Variants in GRM2 observed in about 807,000 individuals in gnomAD.
GRM2 encodes metabotropic glutamate receptor 2.
A neutral mutation model predicts 60.4 loss-of-function variants in GRM2; 35 were observed. The ratio of observed to expected loss-of-function variants is 0.58; its 90% CI spans 0.44 to 0.77. The LOEUF (loss-of-function observed/expected upper bound fraction) is 0.77, where lower values mean the gene tolerates loss of function less well. Ranked by LOEUF, GRM2 falls within the 30% of genes least tolerant of loss-of-function variation. GRM2 has a pLI of 0.00. For missense variants in GRM2, 925 were observed against 1,199.5 expected (o/e 0.77, Z 3.38); for synonymous variants, 437 against 484.1 (o/e 0.90, Z 1.28).
In GRM2 at chr3:51,713,628, C is replaced by T. The variant is rs990264288; in HGVS notation, c.1288+318C>T. 2.1e-5 allele frequency: 8 copies of T among 377,760 alleles called. No individual in the cohort carries two copies. The highest frequency in any genetic ancestry group is 3.8e-5 in the Non-Finnish European group (8 of 208,386). The allele number at this position is 377,760 out of a possible 1,614,324, so 23.4% of individuals were successfully genotyped here. ...AAGGTGGAGACCAGGAGACCTCAAG[C>T]CCATTCTCAGGCAGCACCAAGAGTT... On this transcript the variant is annotated intron_variant, in intron 3 of 5. Transcript: ENST00000395052. This position sits in a 1 kb window ranked among gnomAD's most constrained non-coding sequence, Gnocchi z 4.8.
intron 2 of GRM2, among the ~76,000 whole-genome samples, chr3:51,710,867 A>G (rs558289951): frequency 6.6e-6 from 1 of 152,306 alleles, no homozygotes; most frequent in African/African-American, 2.4e-5. Flanking sequence ...TCTCACCCAG[A>G]TTCCCGCTTG....
At chr3:51,714,808 G>C in intron 3 of GRM2, 1 of 398,338 alleles carries the variant, frequency 2.5e-6, no homozygotes, top group Non-Finnish European at 4.4e-6. Context: ...GAGATGTCTG[G>C]GCTTTAAGGC....
chr3:51,712,776 G>A lies in GRM2; in HGVS notation c.754G>A (p.Gly252Ser). 1.9e-6 allele frequency: 3 copies of A among 1,613,192 alleles called. No homozygotes were observed. The highest frequency in any genetic ancestry group is 2.5e-6 in the Non-Finnish European group (3 of 1,180,042). Reference protein sequence around the residue: ...GRAMSRAAFEGVVRALLQKPS... With the variant: ...GRAMSRAAFESVVRALLQKPS... ...TGCCATGAGCCGCGCGGCCTTTGAG[G>A]GTGTGGTGCGAGCCCTGCTGCAGAA... is the stretch of plus-strand genomic sequence containing the variant. Residue 252 changes from glycine to serine, a missense_variant, in exon 3 of 6, where the codon GGT (glycine) becomes AGT (serine). By Grantham distance (56) the Gly-to-Ser change is moderately conservative. Coordinates refer to ENST00000395052, the MANE Select transcript of GRM2 (RefSeq NM_000839.5). The surrounding 1 kb of genome is among the most constrained non-coding windows in gnomAD (Gnocchi z 5.3).
chr3:51,717,870 C>G lies in GRM2; in HGVS notation c.2545+53C>G. ...CTGTTCCCCTCTCCCTGTCCAGCTCCTTGGGTTGCTGAGATCTCTTGTCTG... is the reference window on the plus strand; with the variant it reads ...CTGTTCCCCTCTCCCTGTCCAGCTCGTTGGGTTGCTGAGATCTCTTGTCTG... On this transcript the variant is annotated intron_variant, in intron 5 of 5. Coordinates refer to ENST00000395052, the MANE Select transcript of GRM2 (RefSeq NM_000839.5). This position sits in a 1 kb window ranked among gnomAD's most constrained non-coding sequence, Gnocchi z 6.0. The G allele has an allele frequency of 6.4e-7, 1 of 1,559,552 alleles. No individual in the cohort carries two copies. Among genetic ancestry groups the G allele is most frequent in the African/African-American group, 1.4e-5 (1 of 73,910 alleles).
rs1703978485 is a variant in GRM2, at chr3:51,718,413, G to A, written c.*301G>A. 2.7e-5 allele frequency: 11 copies of A among 413,336 alleles called. No homozygotes were observed. In the South Asian group the frequency reaches 3.0e-4, roughly 11 times the overall value. 25.6% of individuals were successfully genotyped at this position (413,336 alleles called of 1,614,324 possible). Reference sequence around the variant, plus strand: ...TCTGCCCTGGACCCGGGTGGCTGAGGACGGCAGGCCCCAGTCCTAACCAGC... The same window carrying A: ...TCTGCCCTGGACCCGGGTGGCTGAGAACGGCAGGCCCCAGTCCTAACCAGC... On this transcript the variant is annotated 3_prime_UTR_variant, in exon 6 of 6. Transcript: ENST00000395052. The surrounding 1 kb of genome is among the most constrained non-coding windows in gnomAD (Gnocchi z 4.2).
At chr3:51,709,478 G>A (rs1222644054) in intron 2 of GRM2, 45 bp downstream of exon 2, 2 of 1,361,614 alleles carry the variant, frequency 1.5e-6, no homozygotes, top group East Asian at 2.5e-5. Context: ...GGAGGCCGGA[G>A]GTGGTGACCC....
rs920948177 is a variant in GRM2 at position 51,715,914 on chromosome 3, G to A, written c.2141G>A (p.Arg714Gln). The stretch of plus-strand genomic sequence containing the variant: ...GGCAAGGAGACAGCCCCCGAACGGC[G>A]GGAGGTGGTGACACTGCGCTGCAAC... ...GTGKETAPER[R>Q]EVVTLRCNHR... Residue 714 changes from arginine to glutamine, a missense_variant, in exon 4 of 6, where the codon CGG (arginine) becomes CAG (glutamine). Physicochemically the swap from Arg to Gln is conservative, Grantham distance 43. Coordinates refer to ENST00000395052, the MANE Select transcript of GRM2 (RefSeq NM_000839.5). This position sits in a 1 kb window ranked among gnomAD's most constrained non-coding sequence, Gnocchi z 9.0. The A allele has an allele frequency of 4.3e-6, 7 of 1,613,480 alleles. No homozygotes were observed. The highest frequency in any genetic ancestry group is 2.2e-5 in the East Asian group (1 of 44,896).
At chr3:51,711,604 C>T (rs1703711997) in intron 2 of GRM2, 1 of 152,386 alleles carries the variant, frequency 6.6e-6, no homozygotes, top group African/African-American at 2.4e-5. Flanking sequence ...ATCATCTTCC[C>T]TTTGCCAGGC....
chr3:51,715,797 G>A lies in GRM2; in HGVS notation c.2024G>A (p.Ser675Asn). 6.2e-7 allele frequency: 1 copy of A among 1,613,714 alleles called. No individual in the cohort carries two copies. The highest frequency in any genetic ancestry group is 8.5e-7 in the Non-Finnish European group (1 of 1,179,958). Residue 675 changes from serine to asparagine, a missense_variant, in exon 4 of 6, where the codon AGT (serine) becomes AAT (asparagine). Coordinates refer to ENST00000395052, the MANE Select transcript of GRM2 (RefSeq NM_000839.5). This position sits in a 1 kb window ranked among gnomAD's most constrained non-coding sequence, Gnocchi z 9.0. ...REGAQRPRFI[S>N]PASQVAICLA... ...GGTGCCCAGCGGCCACGCTTCATCA[G>A]TCCTGCCTCACAGGTGGCCATCTGC...
At chr3:51,714,213 C>T (rs1703821124) in intron 3 of GRM2, 1 of 229,908 alleles carries the variant, frequency 4.3e-6, no homozygotes, top group Non-Finnish European at 8.9e-6. Flanking sequence ...GATGTTAGAG[C>T]AAGGCTAAAT....
Position 51,715,348 on chromosome 3 carries a change from C to T in GRM2, c.1575C>T (p.Cys525=). 2 of 1,613,802 alleles carry T rather than the reference C, an allele frequency of 1.2e-6. No individual in the cohort carries two copies. The highest frequency in any genetic ancestry group is 1.1e-5 in the South Asian group (1 of 91,062). Residue 525 remains cysteine, a synonymous_variant, in exon 4 of 6, where the codon TGC becomes TGT. Transcript: ENST00000395052. The surrounding 1 kb of genome is among the most constrained non-coding windows in gnomAD (Gnocchi z 9.0). ...TCTGCTGCTGGCTCTGCATTCCGTG[C>T]CAGCCCTATGAGTACCGATTGGACG... ...GEVCCWLCIP[C]QPYEYRLDEF...
At position 51,712,784 on chromosome 3, in the gene GRM2, G is replaced by A. The variant is rs746899370; in HGVS notation, c.762G>A (p.Val254=). 15 of 1,612,958 alleles carry A rather than the reference G, an allele frequency of 9.3e-6. No homozygotes were observed. Among genetic ancestry groups the A allele is most frequent in the African/African-American group, 1.3e-5 (1 of 74,920 alleles). ...GCCGCGCGGCCTTTGAGGGTGTGGT[G>A]CGAGCCCTGCTGCAGAAGCCCAGTG... The part of the protein sequence containing the change: ...AMSRAAFEGV[V]RALLQKPSAR... The change falls in exon 3 of 6, where the codon GTG becomes GTA. Residue 254 remains valine (V), a synonymous_variant. Coordinates refer to ENST00000395052, the MANE Select transcript of GRM2 (RefSeq NM_000839.5). The surrounding 1 kb of genome is among the most constrained non-coding windows in gnomAD (Gnocchi z 5.3).
intron 2 of GRM2, among the ~76,000 whole-genome samples, chr3:51,710,607 CAGAA>C (rs1703679100): frequency 7.4e-6 from 1 of 135,286 alleles, no homozygotes; most frequent in African/African-American, 2.8e-5. Context: ...GTAGGGGAGT[CAGAA>C]GGAAGATAAA....
chr3:51,713,110 C>T lies in GRM2; in HGVS notation c.1088C>T (p.Ala363Val), dbSNP rs753145566. ...FRCSFRQRDC[A>V]AHSLRAVPFE... Reference sequence around the variant, plus strand: ...TGCAGCTTCCGGCAGCGAGACTGCGCAGCCCACTCTCTCCGGGCTGTGCCC... The same window carrying T: ...TGCAGCTTCCGGCAGCGAGACTGCGTAGCCCACTCTCTCCGGGCTGTGCCC... Residue 363 changes from alanine (A) to valine (V), a missense_variant, in exon 3 of 6, where the codon GCA becomes GTA. Coordinates refer to ENST00000395052, the MANE Select transcript of GRM2 (RefSeq NM_000839.5). The surrounding 1 kb of genome is among the most constrained non-coding windows in gnomAD (Gnocchi z 4.8). 1.2e-6 allele frequency: 2 copies of T among 1,613,154 alleles called. No individual in the cohort carries two copies. Among genetic ancestry groups the T allele is most frequent in the South Asian group, 2.2e-5 (2 of 91,090 alleles).
chr3:51,713,399 A>C lies in GRM2; in HGVS notation c.1288+89A>C. 1.1e-6 allele frequency: 1 copy of C among 952,316 alleles called. No homozygotes were observed. The highest frequency in any genetic ancestry group is 1.6e-6 in the Non-Finnish European group (1 of 632,036). 59.0% of individuals were successfully genotyped at this position (952,316 alleles called of 1,614,324 possible). A position where few individuals can be genotyped will look rare whatever the true frequency, so the allele number is the denominator to read the frequency against. On this transcript the variant is annotated intron_variant, in intron 3 of 5. Transcript: ENST00000395052. This position sits in a 1 kb window ranked among gnomAD's most constrained non-coding sequence, Gnocchi z 4.8. ...TCAGCTTCCATTCCTTTGCTAAGGAAACAGTAGAGTGAAAGTAAAGGACTC... is the reference window on the plus strand; with the variant it reads ...TCAGCTTCCATTCCTTTGCTAAGGACACAGTAGAGTGAAAGTAAAGGACTC...
intron 1 of GRM2, chr3:51,708,264 C>G (rs1055336706): frequency 6.6e-6 from 1 of 152,148 alleles, no homozygotes; most frequent in African/African-American, 2.4e-5. Flanking sequence ...CTATTCCTTC[C>G]TCAGTCAGCA....
chr3:51,715,996 C>T lies in GRM2; in HGVS notation c.2223C>T (p.Leu741=), dbSNP rs776375074. The change falls in exon 4 of 6, where the codon CTC becomes CTT. Residue 741 remains leucine, a synonymous_variant. Coordinates refer to ENST00000395052, the MANE Select transcript of GRM2 (RefSeq NM_000839.5). This position sits in a 1 kb window ranked among gnomAD's most constrained non-coding sequence, Gnocchi z 9.0. The part of the protein sequence containing the change: ...SLAYNVLLIA[L]CTLYAFKTRK... ...CCTACAATGTGCTCCTCATCGCGCT[C>T]TGCACGCTTTATGCCTTCAAGACTC... is the stretch of plus-strand genomic sequence containing the variant. The T allele has an allele frequency of 2.3e-5, 37 of 1,614,118 alleles. No homozygotes were observed. Among genetic ancestry groups the T allele is most frequent in the Non-Finnish European group, 2.6e-5 (31 of 1,180,050 alleles).
At position 51,709,552 on chromosome 3, in the gene GRM2, T is replaced by C. The variant is rs1043800548; in HGVS notation, c.450+119T>C. ...ATTGGAAGGGAAACTAGAAGCTTCC[T>C]TGCAGTAGCTTTTACAGAAGCTAAG... On this transcript the variant is annotated intron_variant, in intron 2 of 5. Coordinates refer to ENST00000395052, the MANE Select transcript of GRM2 (RefSeq NM_000839.5). 16 of 686,732 alleles carry C rather than the reference T, an allele frequency of 2.3e-5. No homozygotes were observed. In the African/African-American group the frequency reaches 2.7e-4, roughly 12 times the overall value. The allele number at this position is 686,732 out of a possible 1,614,324, so 42.5% of individuals were successfully genotyped here.
rs577518979 is a variant in GRM2, at chr3:51,715,250, G to A, written c.1477G>A (p.Gly493Ser). The change falls in exon 4 of 6, where the codon GGC becomes AGC. Residue 493 changes from glycine to serine, a missense_variant. Coordinates refer to ENST00000395052, the MANE Select transcript of GRM2 (RefSeq NM_000839.5). The surrounding 1 kb of genome is among the most constrained non-coding windows in gnomAD (Gnocchi z 9.0). ...CATCCCATGGGCCTCACCCTCAGCCGGCCCCCTGCCCGCCTCTCGCTGCAG... is the reference window on the plus strand; with the variant it reads ...CATCCCATGGGCCTCACCCTCAGCCAGCCCCCTGCCCGCCTCTCGCTGCAG... ...SLIPWASPSAGPLPASRCSEP... is the reference protein window; with the variant it reads ...SLIPWASPSASPLPASRCSEP... The A allele has an allele frequency of 1.1e-4, 184 of 1,609,320 alleles. 2 individuals carry two copies. The Middle Eastern group carries it at 1.8e-3, about 16-fold the overall frequency.
Sources: allele counts gnomAD v4.1 joint callset (sites outside exome capture counted in the v4.1 genomes callset), GRCh38; gene constraint gnomAD v4.1.1; non-coding constraint Gnocchi (gnomAD v3.1); transcripts MANE v1.5; gene names NCBI Gene and HGNC (gene_info 2026-07-23, HGNC 2026-07-21).